Variants in ADAM12 observed in about 807,000 individuals in gnomAD.
The protein encoded by ADAM12 is disintegrin and metalloproteinase domain-containing protein 12.
Under a neutral mutation model 106.4 loss-of-function variants are expected in ADAM12, and 70 were observed. The observed-to-expected ratio is 0.66, with a 90% CI of 0.54 to 0.80. The LOEUF is 0.80. Among genes scored for constraint, ADAM12 ranks in the 30% least tolerant of loss-of-function variants. ADAM12 has a pLI of 0.00. For synonymous variants in ADAM12, 420 were observed against 433.5 expected (o/e 0.97, Z 0.39); for missense variants, 1,010 against 1,171.9 (o/e 0.86, Z 2.02).
At chr10:126,368,803 T>G (rs1259192769) in intron 1 of ADAM12, among the ~76,000 whole-genome samples, 1 of 145,574 alleles carries the variant, frequency 6.9e-6, no homozygotes. Flanking sequence ...GGAAAAAAAG[T>G]AAACATATAG....
At chr10:126,387,890 G>T (rs1453914021) in intron 1 of ADAM12, among the ~76,000 whole-genome samples, 168 bp downstream of exon 1, 1 of 53,940 alleles carries the variant, frequency 1.9e-5, no homozygotes, top group Non-Finnish European at 3.7e-5. Context: ...ATTGGCACCT[G>T]GGGGGGGGGG....
At chr10:126,175,650 T>C (rs1957206887) in intron 3 of ADAM12, among the ~76,000 whole-genome samples, 1 of 152,126 alleles carries the variant, frequency 6.6e-6, no homozygotes, top group Non-Finnish European at 1.5e-5. Context: ...TTCATTCGAG[T>C]GGCGAGAGAG....
intron 3 of ADAM12, among the ~76,000 whole-genome samples, chr10:126,188,648 C>A (rs1655507038): frequency 6.6e-6 from 1 of 152,142 alleles, no homozygotes; most frequent in Admixed American, 6.5e-5. Context: ...AATCATTTTT[C>A]TTTTATTTGA....
intron 1 of ADAM12, among the ~76,000 whole-genome samples, chr10:126,350,810 G>A (rs946592528): frequency 6.6e-6 from 1 of 152,208 alleles, no homozygotes; most frequent in Non-Finnish European, 1.5e-5. Flanking sequence ...CACCTGGCCA[G>A]AATTCACGCC....
intron 2 of ADAM12, among the ~76,000 whole-genome samples, chr10:126,280,346 T>G (rs979331393): frequency 3.3e-5 from 5 of 152,202 alleles, no homozygotes; most frequent in African/African-American, 9.6e-5. Flanking sequence ...TATCTTCTTC[T>G]AGTCTTTCTG....
chr10:126,306,145 G>GT (rs371983587), intron 2 of ADAM12, among the ~76,000 whole-genome samples: 24 of 151,564 alleles, frequency 1.6e-4, no homozygotes, highest in African/African-American at 5.3e-4. Context: ...ATTTTCTTGT[G>GT]TATTAGTATT....
At chr10:126,184,863 C>G (rs1447907235) in intron 3 of ADAM12, among the ~76,000 whole-genome samples, 2 of 152,166 alleles carry the variant, frequency 1.3e-5, no homozygotes, top group East Asian at 3.9e-4. Context: ...ACGAGCCCTG[C>G]CTTATTTCTT....
intron 4 of ADAM12, among the ~76,000 whole-genome samples, chr10:126,152,028 G>A (rs77913548): frequency 8.5e-6 from 1 of 117,628 alleles, no homozygotes; most frequent in Non-Finnish European, 1.8e-5. Context: ...TTTTTTTTTG[G>A]TCTTCCTTTT....
intron 1 of ADAM12, among the ~76,000 whole-genome samples, chr10:126,337,773 C>T (rs1194857539): frequency 6.6e-6 from 1 of 152,146 alleles, no homozygotes; most frequent in African/African-American, 2.4e-5. Context: ...TTGTTTACTC[C>T]TTATCAGTCA....
At chr10:126,339,575 T>G (rs1449925186) in intron 1 of ADAM12, among the ~76,000 whole-genome samples, 1 of 152,174 alleles carries the variant, frequency 6.6e-6, no homozygotes, top group Non-Finnish European at 1.5e-5. Context: ...TCTCCCTCTT[T>G]CAATCTTAAA....
At chr10:126,224,990 G>C (rs140109709) in intron 3 of ADAM12, among the ~76,000 whole-genome samples, 134 of 152,352 alleles carry the variant, frequency 8.8e-4, no homozygotes, top group African/African-American at 3.1e-3. Context: ...CACAGATACT[G>C]CTCCTGCCGC....
At chr10:126,313,007 A>G (rs769397138) in intron 2 of ADAM12, among the ~76,000 whole-genome samples, 2 of 152,240 alleles carry the variant, frequency 1.3e-5, no homozygotes, top group African/African-American at 2.4e-5. Flanking sequence ...AGACAACATC[A>G]CACGTTGCTA....
chr10:126,115,645 G>A (rs746351812), intron 6 of ADAM12, among the ~76,000 whole-genome samples: 11 of 152,180 alleles, frequency 7.2e-5, no homozygotes, highest in Non-Finnish European at 1.0e-4. Flanking sequence ...ATCAGAGTCT[G>A]CAAACCAGTC....
chr10:126,202,144 G>A (rs1461347819), intron 3 of ADAM12, among the ~76,000 whole-genome samples: 1 of 152,178 alleles, frequency 6.6e-6, no homozygotes, highest in Non-Finnish European at 1.5e-5. Context: ...TTCCACTGTG[G>A]CTGGAGATCC....
At position 126,388,153 on chromosome 10, in the gene ADAM12, G is replaced by A. The variant is rs944075321; in HGVS notation, c.-8C>T. ...CAGCGGGCGCGCTGCCATCGTCGCC[G>A]GCCTTCAGTGCAGCAGCTCTCGGGC... On this transcript the variant is annotated 5_prime_UTR_variant, in exon 1 of 23. Transcript: ENST00000448723. The surrounding 1 kb of genome is among the most constrained non-coding windows in gnomAD (Gnocchi z 4.4). The A allele has an allele frequency of 8.3e-7, 1 of 1,210,032 alleles. No individual in the cohort carries two copies. Among genetic ancestry groups the A allele is most frequent in the Non-Finnish European group, 1.0e-6 (1 of 973,996 alleles). The allele number at this position is 1,210,032 out of a possible 1,614,324, so 75.0% of individuals were successfully genotyped here. A position where few individuals can be genotyped will look rare whatever the true frequency, so the allele number is the denominator to read the frequency against.
chr10:126,041,937 C>T (rs1253155370), intron 18 of ADAM12: 6 of 1,413,008 alleles, frequency 4.2e-6, no homozygotes, highest in East Asian at 5.1e-5. Flanking sequence ...AGTCGCTGCC[C>T]TTCCTTGCAC....
At chr10:126,308,600 TTTAAAA>T (rs965151742) in intron 2 of ADAM12, among the ~76,000 whole-genome samples, 1 of 152,262 alleles carries the variant, frequency 6.6e-6, no homozygotes, top group African/African-American at 2.4e-5. Context: ...ACAGCCACTA[TTTAAAA>T]TTAACTCAAA....
chr10:126,225,742 G>T (rs1172446171), intron 3 of ADAM12, among the ~76,000 whole-genome samples: 1 of 152,108 alleles, frequency 6.6e-6, no homozygotes, highest in Non-Finnish European at 1.5e-5. Context: ...ATAAGCAAAA[G>T]ACTTCAGTCT....
rs1953641163 is a variant in ADAM12 at position 126,015,168 on chromosome 10, C to G, written c.*2111G>C. 1 of 152,152 alleles carries G rather than the reference C, an allele frequency of 6.6e-6. No homozygotes were observed. Among genetic ancestry groups the G allele is most frequent in the Non-Finnish European group, 1.5e-5 (1 of 68,036 alleles). 9.4% of individuals were successfully genotyped at this position (152,152 alleles called of 1,614,324 possible). On this transcript the variant is annotated 3_prime_UTR_variant, in exon 23 of 23. Transcript: ENST00000448723. The stretch of plus-strand genomic sequence containing the variant: ...CCCTAAGTGGCCATTGATGACATGG[C>G]ATAAGATCACAGTTTTAACCTCCTT...
Sources: allele counts gnomAD v4.1 joint callset (sites outside exome capture counted in the v4.1 genomes callset), GRCh38; gene constraint gnomAD v4.1.1; non-coding constraint Gnocchi (gnomAD v3.1); transcripts MANE v1.5; gene names NCBI Gene and HGNC (gene_info 2026-07-23, HGNC 2026-07-21).